SLC2A1: variants seen among roughly 807,000 people sequenced by gnomAD.
SLC2A1 encodes the protein solute carrier family 2 member 1, also known as solute carrier family 2, facilitated glucose transporter member 1.
A neutral mutation model predicts 46.6 loss-of-function variants in SLC2A1; 4 were observed. The observed-to-expected ratio is 0.09, with a 90% CI of 0.04 to 0.20. The LOEUF is 0.20. Among genes scored for constraint, SLC2A1 ranks in the 10% least tolerant of loss-of-function variants. SLC2A1 has a pLI of 1.00. For missense variants in SLC2A1, 352 were observed against 667.0 expected, an observed-to-expected ratio of 0.53 and a Z score of 5.20; for synonymous variants, 253 against 270.0, an observed-to-expected ratio of 0.94 and a Z score of 0.62.
chr1:42,938,809 G>A (rs955334803), intron 2 of SLC2A1, among the ~76,000 whole-genome samples: 30 of 152,206 alleles, frequency 2.0e-4, no homozygotes, highest in African/African-American at 6.8e-4. Context: ...GAGCATGGCT[G>A]CCAAGTCCTT....
At chr1:42,928,877 T>C (rs1355747735) in intron 8 of SLC2A1, 55 bp downstream of exon 8, 7 of 1,502,008 alleles carry the variant, frequency 4.7e-6, no homozygotes, top group African/African-American at 1.4e-5. Context: ...TTTTGGGATA[T>C]GAAGCCCAGG....
In SLC2A1 at chr1:42,929,725, C is replaced by A; in HGVS notation, c.735G>T (p.Lys245Asn). 1 of 1,614,164 alleles carries A rather than the reference C, an allele frequency of 6.2e-7. No homozygotes were observed. Among genetic ancestry groups the A allele is most frequent in the South Asian group, 1.1e-5 (1 of 91,078 alleles). Residue 245 changes from lysine (K) to asparagine (N), a missense_variant, in exon 6 of 10, where the codon AAG becomes AAT. Lys to Asn is a moderately conservative substitution (Grantham distance 94, BLOSUM62 0). Transcript: ENST00000426263. This position sits in a 1 kb window ranked among gnomAD's most constrained non-coding sequence, Gnocchi z 6.0. ...CCCGCATCATCTGCCGACTCTCTTC[C>A]TTCATCTCCTGCAGGTCATGGGTCA... ...ADVTHDLQEM[K>N]EESRQMMREK...
chr1:42,946,101 G>A (rs1367366307), intron 1 of SLC2A1, among the ~76,000 whole-genome samples: 2 of 152,322 alleles, frequency 1.3e-5, no homozygotes, highest in East Asian at 3.9e-4. Context: ...TGCATCTGAT[G>A]TTCCAGGGGT....
chr1:42,940,452 C>T (rs978609054), intron 2 of SLC2A1, among the ~76,000 whole-genome samples: 2 of 152,238 alleles, frequency 1.3e-5, no homozygotes, highest in Non-Finnish European at 2.9e-5. Flanking sequence ...GTGGACAAAC[C>T]AGACAAATAC....
At chr1:42,940,892 C>G (rs1469534271) in intron 2 of SLC2A1, among the ~76,000 whole-genome samples, 1 of 152,208 alleles carries the variant, frequency 6.6e-6, no homozygotes. Flanking sequence ...ACATCTCCAG[C>G]TGTGTCACCC....
intron 1 of SLC2A1, among the ~76,000 whole-genome samples, chr1:42,948,747 AG>A (rs1427578544): frequency 6.6e-6 from 1 of 152,020 alleles, no homozygotes; most frequent in Non-Finnish European, 1.5e-5. Flanking sequence ...TGGCCAACAC[AG>A]CAAAACCCTG....
rs962685635 is a variant in SLC2A1 at position 42,926,792 on chromosome 1, T to G, written c.*249A>C. 1.0e-5 allele frequency: 15 copies of G among 1,480,444 alleles called. No homozygotes were observed. In the African/African-American group the frequency reaches 2.0e-4, roughly 20 times the overall value. 91.7% of individuals were successfully genotyped at this position (1,480,444 alleles called of 1,614,324 possible). The stretch of plus-strand genomic sequence containing the variant: ...TCAGGCTGATATAAAAATAACAAAA[T>G]CAGTAATAAAAAAATTATAAAACCT... On this transcript the variant is annotated 3_prime_UTR_variant, in exon 10 of 10. Transcript: ENST00000426263.
Position 42,958,825 on chromosome 1 carries a change from C to T in SLC2A1, c.-174G>A. 1 of 599,856 alleles carries T rather than the reference C, an allele frequency of 1.7e-6. No individual in the cohort carries two copies. Among genetic ancestry groups the T allele is most frequent in the Non-Finnish European group, 2.9e-6 (1 of 348,684 alleles). 37.2% of individuals were successfully genotyped at this position (599,856 alleles called of 1,614,324 possible). On this transcript the variant is annotated 5_prime_UTR_variant, in exon 1 of 10. Transcript: ENST00000426263. ...CCTGGCGTGCTCACTCGGGGACCCG[C>T]GACTAGCGACCGGCACGCTCGCTGT...
Position 42,926,556 on chromosome 1 carries a change from T to G in SLC2A1, c.*485A>C. On this transcript the variant is annotated 3_prime_UTR_variant, in exon 10 of 10. Transcript: ENST00000426263. ...TCCTAATGGAGCCTGACCCCTAGAG[T>G]GGGGAGATCCAGGCCAGCAGAACGG... 2 of 394,470 alleles carry G rather than the reference T, an allele frequency of 5.1e-6. No individual in the cohort carries two copies. Among genetic ancestry groups the G allele is most frequent in the South Asian group, 2.4e-5 (1 of 41,952 alleles). 24.4% of individuals were successfully genotyped at this position (394,470 alleles called of 1,614,324 possible). A position where few individuals can be genotyped will look rare whatever the true frequency, so the allele number is the denominator to read the frequency against.
At chr1:42,935,439 C>T (rs1643532641) in intron 2 of SLC2A1, among the ~76,000 whole-genome samples, 1 of 152,226 alleles carries the variant, frequency 6.6e-6, no homozygotes, top group Non-Finnish European at 1.5e-5. Flanking sequence ...CTTCTCACTT[C>T]CCCTTTGTAG....
chr1:42,938,705 A>C (rs1434107721), intron 2 of SLC2A1, among the ~76,000 whole-genome samples: 1 of 152,188 alleles, frequency 6.6e-6, no homozygotes, highest in East Asian at 1.9e-4. Flanking sequence ...GCATCAGCAG[A>C]ACATTTCACA....
intron 2 of SLC2A1, among the ~76,000 whole-genome samples, chr1:42,931,698 G>A (rs1005515965): frequency 5.9e-5 from 9 of 151,910 alleles, no homozygotes; most frequent in South Asian, 2.1e-4. Context: ...ACGTGGTGGC[G>A]CAAGCATGTA....
chr1:42,956,316 CT>C (rs1643772967), intron 1 of SLC2A1, among the ~76,000 whole-genome samples: 1 of 149,124 alleles, frequency 6.7e-6, no homozygotes, highest in East Asian at 2.0e-4. Flanking sequence ...AATCCCAGCA[CT>C]TTGGGAGGCC....
rs1643459851 is a variant in SLC2A1 at position 42,929,199 on chromosome 1, CAA to C, written c.972+9_972+10del. ...GGGTTTGGCTGGGGGGGCCAGTAAG[CAA>C]AGACTCACCGACACGACAGTGAAGG... On this transcript the variant is annotated intron_variant, in intron 7 of 9. Coordinates refer to ENST00000426263, the MANE Select transcript of SLC2A1 (RefSeq NM_006516.4). This position sits in a 1 kb window ranked among gnomAD's most constrained non-coding sequence, Gnocchi z 6.0. The C allele has an allele frequency of 1.6e-5, 25 of 1,611,922 alleles. No individual in the cohort carries two copies. Among genetic ancestry groups the C allele is most frequent in the Non-Finnish European group, 2.0e-5 (24 of 1,178,138 alleles).
intron 1 of SLC2A1, among the ~76,000 whole-genome samples, chr1:42,946,760 C>A (rs908109954): frequency 6.6e-6 from 1 of 152,142 alleles, no homozygotes. Context: ...ATGGCCCCTG[C>A]TCCTCAGTAG....
At chr1:42,938,151 T>C (rs963387962) in intron 2 of SLC2A1, among the ~76,000 whole-genome samples, 1 of 152,226 alleles carries the variant, frequency 6.6e-6, no homozygotes, top group African/African-American at 2.4e-5. Context: ...GGAAAGGCAG[T>C]GCTCGGATGA....
chr1:42,931,468 C>T (rs991779541), intron 2 of SLC2A1, among the ~76,000 whole-genome samples: 2 of 152,174 alleles, frequency 1.3e-5, no homozygotes, highest in South Asian at 2.1e-4. Flanking sequence ...TGTGGTTTCA[C>T]AGGCTCAGTG....
intron 1 of SLC2A1, among the ~76,000 whole-genome samples, chr1:42,947,057 G>A (rs1643663760): frequency 6.6e-6 from 1 of 152,204 alleles, no homozygotes; most frequent in Admixed American, 6.5e-5. Flanking sequence ...CTGGATCGGT[G>A]AAGAATAGCA....
intron 1 of SLC2A1, among the ~76,000 whole-genome samples, chr1:42,947,581 C>CAAAAAAAAA (rs144784155): frequency 7.2e-5 from 4 of 55,826 alleles, no homozygotes; most frequent in South Asian, 6.5e-4. Context: ...CACACACACA[C>CAAAAAAAAA]AAAAAAAAAA....
Sources: gnomAD v4.1 joint callset for allele counts (sites outside exome capture counted in the v4.1 genomes callset) on GRCh38, gnomAD v4.1.1 for gene constraint, Gnocchi (gnomAD v3.1) non-coding constraint, MANE v1.5 for transcripts, NCBI Gene and HGNC (gene_info 2026-07-23, HGNC 2026-07-21) for gene names.